TCF4: variants seen among roughly 807,000 people sequenced by gnomAD.
TCF4 encodes SL3-3 enhancer factor 2.
Under a neutral mutation model 82.1 loss-of-function variants are expected in TCF4, and 3 were observed. The ratio of observed to expected loss-of-function variants is 0.04; its 90% confidence interval spans 0.02 to 0.09. TCF4 has a LOEUF of 0.09. TCF4 is among the 10% of genes least tolerant of loss of function. The probability of loss-of-function intolerance (pLI) is 1.00; values close to 1 mark genes in which losing one functional copy is unlikely to be tolerated. For synonymous variants in TCF4, 276 were observed against 309.6 expected (o/e 0.89, Z 1.14); for missense variants, 518 against 852.7 (o/e 0.61, Z 4.89).
At chr18:55,617,331 C>T in intron 2 of TCF4, among the ~76,000 whole-genome samples, 1 of 152,062 alleles carries the variant, frequency 6.6e-6, no homozygotes. Context: ...GTTTTAATTA[C>T]TGTTGCTTTG....
intron 8 of TCF4, among the ~76,000 whole-genome samples, chr18:55,284,091 T>C (rs2063173138): frequency 6.6e-6 from 1 of 152,162 alleles, no homozygotes; most frequent in African/African-American, 2.4e-5. Context: ...GAAATACTCT[T>C]GTGGCATCTG....
chr18:55,563,623 C>G (rs1177096123), intron 3 of TCF4, among the ~76,000 whole-genome samples: 1 of 152,238 alleles, frequency 6.6e-6, no homozygotes, highest in Non-Finnish European at 1.5e-5. Flanking sequence ...GTGCCCTCCA[C>G]AAGGTATGGC....
At chr18:55,280,210 G>C (rs2062300057) in intron 8 of TCF4, among the ~76,000 whole-genome samples, 1 of 152,094 alleles carries the variant, frequency 6.6e-6, no homozygotes, top group South Asian at 2.1e-4. Context: ...TTTTTGCAGA[G>C]ATGCATGAAA....
intron 14 of TCF4, among the ~76,000 whole-genome samples, chr18:55,255,422 A>G (rs892361481): frequency 2.6e-5 from 4 of 152,222 alleles, no homozygotes; most frequent in Admixed American, 2.6e-4. Flanking sequence ...CAAAGCCCCA[A>G]CTATAGCATA....
intron 3 of TCF4, among the ~76,000 whole-genome samples, chr18:55,567,442 T>C (rs1157357853): frequency 1.3e-5 from 2 of 152,196 alleles, no homozygotes; most frequent in Non-Finnish European, 2.9e-5. Flanking sequence ...TTTCGAATAT[T>C]AGCAAATGTA....
At chr18:55,445,660 A>T (rs1205457320) in intron 5 of TCF4, among the ~76,000 whole-genome samples, 1 of 152,218 alleles carries the variant, frequency 6.6e-6, no homozygotes, top group African/African-American at 2.4e-5. Context: ...GACACAGCCA[A>T]GCCATATCAA....
intron 3 of TCF4, among the ~76,000 whole-genome samples, chr18:55,567,966 G>A (rs184499109): frequency 1.6e-4 from 25 of 151,744 alleles, no homozygotes; most frequent in African/African-American, 6.0e-4. Flanking sequence ...AATTTTGAAG[G>A]CACCAAAAAA....
chr18:55,322,089 TTTC>T (rs759174026), intron 8 of TCF4: 5 of 1,085,120 alleles, frequency 4.6e-6, no homozygotes, highest in Admixed American at 5.6e-5. Context: ...TTCTTTTTCT[TTTC>T]TTTTTTTTTT....
At chr18:55,580,264 G>T (rs148958947) in intron 3 of TCF4, among the ~76,000 whole-genome samples, 1 of 152,084 alleles carries the variant, frequency 6.6e-6, no homozygotes, top group African/African-American at 2.4e-5. Context: ...GATGCAGATA[G>T]AATTGAGGGT....
intron 6 of TCF4, among the ~76,000 whole-genome samples, chr18:55,396,417 G>C (rs1262770039): frequency 6.6e-6 from 1 of 152,272 alleles, no homozygotes; most frequent in Admixed American, 6.5e-5. Flanking sequence ...CACTCATTTT[G>C]ACATTCACTA....
intron 4 of TCF4, among the ~76,000 whole-genome samples, chr18:55,463,477 A>G (rs1417917808): frequency 6.6e-6 from 1 of 152,178 alleles, no homozygotes; most frequent in Admixed American, 6.5e-5. Context: ...CAACCAATGC[A>G]TGTAGGAAAA....
intron 5 of TCF4, among the ~76,000 whole-genome samples, chr18:55,457,158 C>T (rs945878422): frequency 2.6e-5 from 4 of 152,162 alleles, no homozygotes; most frequent in African/African-American, 9.7e-5. Context: ...AACACAAAGG[C>T]TATTCACACC....
At chr18:55,375,863 T>C (rs1252774052) in intron 6 of TCF4, among the ~76,000 whole-genome samples, 1 of 151,600 alleles carries the variant, frequency 6.6e-6, no homozygotes, top group Non-Finnish European at 1.5e-5. Flanking sequence ...AAATAGGGAG[T>C]AGGAGAGAGG....
chr18:55,258,601 G>C (rs2057385424), intron 13 of TCF4, among the ~76,000 whole-genome samples: 1 of 151,872 alleles, frequency 6.6e-6, no homozygotes, highest in African/African-American at 2.4e-5. Flanking sequence ...GTAAAATCAG[G>C]GTATCAGACT....
intron 10 of TCF4, among the ~76,000 whole-genome samples, chr18:55,270,476 T>C (rs565124154): frequency 6.6e-6 from 1 of 152,132 alleles, no homozygotes; most frequent in African/African-American, 2.4e-5. Context: ...CCAGCAACAA[T>C]AAAATTTAGT....
chr18:55,277,940 C>T (rs752552827), intron 9 of TCF4, among the ~76,000 whole-genome samples: 9 of 152,038 alleles, frequency 5.9e-5, no homozygotes, highest in African/African-American at 1.4e-4. Context: ...CTTTTTGTCA[C>T]GGCACAAAAC....
intron 3 of TCF4, among the ~76,000 whole-genome samples, chr18:55,576,310 G>A (rs1178540850): frequency 6.6e-6 from 1 of 152,108 alleles, no homozygotes; most frequent in Non-Finnish European, 1.5e-5. Flanking sequence ...AAGAATTTTG[G>A]GAAGTAGGGA....
intron 2 of TCF4, among the ~76,000 whole-genome samples, chr18:55,616,861 T>C (rs1165544864): frequency 6.6e-6 from 1 of 152,160 alleles, no homozygotes; most frequent in Non-Finnish European, 1.5e-5. Context: ...ATATATGGTT[T>C]GCAGACATTT....
intron 2 of TCF4, among the ~76,000 whole-genome samples, chr18:55,596,428 A>G (rs1388127813): frequency 6.6e-6 from 1 of 152,220 alleles, no homozygotes; most frequent in African/African-American, 2.4e-5. Flanking sequence ...CTCTGTCATA[A>G]AATTATTATA....
Sources: gnomAD v4.1 joint callset for allele counts (sites outside exome capture counted in the v4.1 genomes callset) on GRCh38, gnomAD v4.1.1 for gene constraint, MANE v1.5 for transcripts, NCBI Gene and HGNC (gene_info 2026-07-23, HGNC 2026-07-21) for gene names.